Variants in TMED8 observed in about 807,000 individuals in gnomAD.
TMED8 encodes the protein protein TMED8.
TMED8 carries 15 observed loss-of-function variants against 32.7 expected under a neutral mutation model. The ratio of observed to expected loss-of-function variants is 0.46; its 90% CI spans 0.31 to 0.71. The LOEUF (loss-of-function observed/expected upper bound fraction) is 0.71. Among genes scored for constraint, TMED8 ranks in the 30% least tolerant of loss-of-function variants. The probability of loss-of-function intolerance (pLI) is 0.06; values close to 1 mark genes in which losing one functional copy is unlikely to be tolerated. For synonymous variants in TMED8, 147 were observed against 161.4 expected (o/e 0.91, Z 0.68); for missense variants, 390 against 423.9 (o/e 0.92, Z 0.70).
intron 1 of TMED8, among the ~76,000 whole-genome samples, chr14:77,370,803 C>A (rs1893660565): frequency 6.6e-6 from 1 of 151,500 alleles, no homozygotes; most frequent in African/African-American, 2.4e-5. Flanking sequence ...AATGGGCATG[C>A]TTAGGCGTGG....
chr14:77,350,635 T>C (rs1893155918), intron 2 of TMED8, among the ~76,000 whole-genome samples: 1 of 152,112 alleles, frequency 6.6e-6, no homozygotes, highest in Non-Finnish European at 1.5e-5. Flanking sequence ...TGAAAAAACA[T>C]GGTTCTGCTT....
At chr14:77,370,880 C>T (rs1269260208) in intron 1 of TMED8, among the ~76,000 whole-genome samples, 1 of 151,296 alleles carries the variant, frequency 6.6e-6, no homozygotes, top group Non-Finnish European at 1.5e-5. Flanking sequence ...ACCCGGGAGG[C>T]GGAGGTTGCA....
intron 3 of TMED8, 26 bp from the exon 4 acceptor site, chr14:77,343,849 G>C: frequency 1.3e-6 from 2 of 1,598,088 alleles, no homozygotes; most frequent in Non-Finnish European, 1.7e-6. Context: ...CTGGTTAAAG[G>C]AGTATTCGAG....
At chr14:77,347,883 G>A (rs1893086855) in intron 2 of TMED8, among the ~76,000 whole-genome samples, 1 of 152,192 alleles carries the variant, frequency 6.6e-6, no homozygotes, top group East Asian at 1.9e-4. Context: ...TCCAAGTATG[G>A]TCTAGGGGCC....
At chr14:77,375,056 A>G (rs1051081213) in intron 1 of TMED8, among the ~76,000 whole-genome samples, 2 of 152,232 alleles carry the variant, frequency 1.3e-5, no homozygotes, top group South Asian at 4.1e-4. Context: ...AATGGGAAGA[A>G]AATGATTGTT....
chr14:77,368,482 ATTTAT>A (rs1162765483), intron 1 of TMED8, among the ~76,000 whole-genome samples: 1 of 151,698 alleles, frequency 6.6e-6, no homozygotes, highest in African/African-American at 2.4e-5. Context: ...TTATTTATTT[ATTTAT>A]TTATTTTTGA....
At chr14:77,360,399 T>A (rs923623542) in intron 1 of TMED8, among the ~76,000 whole-genome samples, 1 of 152,060 alleles carries the variant, frequency 6.6e-6, no homozygotes, top group Admixed American at 6.6e-5. Flanking sequence ...TGTTTCTGTG[T>A]ACTTGACTTT....
chr14:77,376,952 G>C lies in TMED8; in HGVS notation c.102C>G (p.Ser34Arg), dbSNP rs747813021. 7.5e-6 allele frequency: 11 copies of C among 1,457,322 alleles called. No homozygotes were observed. The South Asian group carries it at 1.5e-4, about 19-fold the overall frequency. 90.3% of individuals were successfully genotyped at this position (1,457,322 alleles called of 1,614,324 possible). The part of the protein sequence containing the change: ...GVGDCQGVEG[S>R]QAAASENEDL... ...CTTGCGTACCTGAGGCGGCCGCCTG[G>C]CTCCCCTCCACTCCCTGGCAGTCCC... The change falls in exon 1 of 6, where the codon AGC becomes AGG. Residue 34 changes from serine (S) to arginine (R), a missense_variant. Ser to Arg is a moderately radical substitution (Grantham distance 110, BLOSUM62 -1). Transcript: ENST00000216468. The surrounding 1 kb of genome is among the most constrained non-coding windows in gnomAD (Gnocchi z 4.0).
At chr14:77,367,788 G>A (rs563856862) in intron 1 of TMED8, among the ~76,000 whole-genome samples, 19 of 151,480 alleles carry the variant, frequency 1.3e-4, no homozygotes, top group East Asian at 5.8e-4. Context: ...CCACCTCCTC[G>A]CTTCAAGCGA....
intron 1 of TMED8, among the ~76,000 whole-genome samples, chr14:77,354,302 T>C (rs1331252514): frequency 6.6e-6 from 1 of 152,226 alleles, no homozygotes; most frequent in African/African-American, 2.4e-5. Context: ...CCAGGGCTTA[T>C]AAAAATAAAC....
In TMED8 at chr14:77,335,500, C is replaced by T. The variant is rs372592248; in HGVS notation, c.*6271G>A. 1.3e-5 allele frequency: 2 copies of T among 152,252 alleles called. No homozygotes were observed. The highest frequency in any genetic ancestry group is 6.5e-5 in the Admixed American group (1 of 15,292). The allele number at this position is 152,252 out of a possible 1,614,324, so 9.4% of individuals were successfully genotyped here. The stretch of plus-strand genomic sequence containing the variant: ...TAGTTGCCAATTGCTTAAATCTTTA[C>T]GAAGAAAACATGATCATCTTTCAGT... On this transcript the variant is annotated 3_prime_UTR_variant, in exon 6 of 6. Coordinates refer to ENST00000216468, the MANE Select transcript of TMED8 (RefSeq NM_213601.3).
intron 2 of TMED8, among the ~76,000 whole-genome samples, chr14:77,351,338 T>C (rs1010724092): frequency 2.7e-5 from 4 of 150,174 alleles, no homozygotes; most frequent in Admixed American, 1.3e-4. Context: ...ATACAAAAAT[T>C]AGCCAGGCGT....
chr14:77,370,091 G>C (rs1204147657), intron 1 of TMED8, among the ~76,000 whole-genome samples: 1 of 150,816 alleles, frequency 6.6e-6, no homozygotes, highest in Non-Finnish European at 1.5e-5. Flanking sequence ...AGAATCGCTT[G>C]AACCCAGAAG....
intron 2 of TMED8, among the ~76,000 whole-genome samples, chr14:77,350,994 TG>T (rs1893162272): frequency 6.6e-6 from 1 of 152,190 alleles, no homozygotes; most frequent in Non-Finnish European, 1.5e-5. Flanking sequence ...TTTAAGCTTC[TG>T]GTTTGTACTG....
chr14:77,364,047 AAT>A (rs1893496351), intron 1 of TMED8, among the ~76,000 whole-genome samples: 1 of 152,216 alleles, frequency 6.6e-6, no homozygotes, highest in African/African-American at 2.4e-5. Context: ...TCACTGCATC[AAT>A]ATATGAGTGC....
At position 77,351,665 on chromosome 14, in the gene TMED8, G is replaced by A. The variant is rs750340972; in HGVS notation, c.197+8C>T. 6.2e-7 allele frequency: 1 copy of A among 1,610,576 alleles called. No individual in the cohort carries two copies. Among genetic ancestry groups the A allele is most frequent in the Non-Finnish European group, 8.5e-7 (1 of 1,178,238 alleles). On this transcript the variant is annotated splice_region_variant and intron_variant, in intron 2 of 5. Transcript: ENST00000216468. ...AACCTGTGAAAGCATTCTATCCAAA[G>A]TGGTTACCTGTGGGGTGAGGAGCAG...
chr14:77,374,909 C>T (rs988013427), intron 1 of TMED8, among the ~76,000 whole-genome samples: 2 of 152,222 alleles, frequency 1.3e-5, no homozygotes, highest in Non-Finnish European at 2.9e-5. Context: ...AGTACCAATA[C>T]TTGATTCATG....
rs1892818732 is a variant in TMED8 at position 77,338,529 on chromosome 14, T to G, written c.*3242A>C. 1 of 152,268 alleles carries G rather than the reference T, an allele frequency of 6.6e-6. No individual in the cohort carries two copies. Among genetic ancestry groups the G allele is most frequent in the Non-Finnish European group, 1.5e-5 (1 of 68,050 alleles). 9.4% of individuals were successfully genotyped at this position (152,268 alleles called of 1,614,324 possible). A position where few individuals can be genotyped will look rare whatever the true frequency, so the allele number is the denominator to read the frequency against. On this transcript the variant is annotated 3_prime_UTR_variant, in exon 6 of 6. Transcript: ENST00000216468. ...AGTCAGGAACTCTTTGATCTACCTC[T>G]GACCTGGAAACCCCCATCTTCAAGA...
At chr14:77,374,666 T>C (rs1893772459) in intron 1 of TMED8, among the ~76,000 whole-genome samples, 1 of 152,142 alleles carries the variant, frequency 6.6e-6, no homozygotes. Context: ...ACCATCAAAC[T>C]CAGCAAATAT....
Sources: allele counts gnomAD v4.1 joint callset (sites outside exome capture counted in the v4.1 genomes callset), GRCh38; gene constraint gnomAD v4.1.1; non-coding constraint Gnocchi (gnomAD v3.1); transcripts MANE v1.5; gene names NCBI Gene and HGNC (gene_info 2026-07-23, HGNC 2026-07-21).